The following ARID5B variants were observed in gnomAD, a reference collection of about 807,000 sequenced individuals.
The protein encoded by ARID5B is AT-rich interactive domain-containing protein 5B.
A neutral mutation model predicts 97.2 loss-of-function variants in ARID5B; 13 were observed. That is an observed-to-expected ratio of 0.13 (90% CI 0.09 to 0.21). ARID5B has a LOEUF of 0.21. Ranked by LOEUF, ARID5B falls within the 10% of genes least tolerant of loss-of-function variation. The pLI is 1.00. For synonymous variants in ARID5B, 556 were observed against 570.3 expected, an observed-to-expected ratio of 0.97 and a Z score of 0.36; for missense variants, 1,210 against 1,465.3, an observed-to-expected ratio of 0.83 and a Z score of 2.84.
At chr10:61,925,484 A>G (rs1456394435) in intron 2 of ARID5B, among the ~76,000 whole-genome samples, 1 of 152,196 alleles carries the variant, frequency 6.6e-6, no homozygotes, top group Non-Finnish European at 1.5e-5. Flanking sequence ...CACCCTATTA[A>G]TTTGGCCAGA....
intron 8 of ARID5B, among the ~76,000 whole-genome samples, chr10:62,080,245 T>C (rs1840194523): frequency 6.6e-6 from 1 of 152,120 alleles, no homozygotes; most frequent in Non-Finnish European, 1.5e-5. Context: ...CTTGTCACAC[T>C]CGGCACACTA....
intron 3 of ARID5B, among the ~76,000 whole-genome samples, chr10:61,944,667 A>T (rs1179705887): frequency 6.6e-6 from 1 of 152,214 alleles, no homozygotes; most frequent in Non-Finnish European, 1.5e-5. Context: ...TTAAGCCAAG[A>T]AAATATGTCT....
At position 62,074,092 on chromosome 10, in the gene ARID5B, C is replaced by A. The variant is rs1431746700; in HGVS notation, c.1199+4295C>A. 2.6e-5 allele frequency among the ~76,000 whole-genome samples: 4 copies of A among 152,244 alleles called. No individual in the cohort carries two copies. In the East Asian group the frequency reaches 7.7e-4, roughly 29 times the overall value. On this transcript the variant is annotated intron_variant, in intron 8 of 9. Transcript: ENST00000279873. ...AAAGTCCATGCAGGGGGAAAAAAATCTTTACTCAGAATGCTAGATTACTGG... is the reference window on the plus strand; with the variant it reads ...AAAGTCCATGCAGGGGGAAAAAAATATTTACTCAGAATGCTAGATTACTGG...
chr10:62,039,544 T>C (rs1035354431), intron 4 of ARID5B, among the ~76,000 whole-genome samples: 3 of 152,194 alleles, frequency 2.0e-5, no homozygotes, highest in African/African-American at 7.2e-5. Flanking sequence ...TCTAGTTAGG[T>C]TTCTGTGTTG....
chr10:62,086,974 T>A (rs1840294050), intron 9 of ARID5B, among the ~76,000 whole-genome samples: 1 of 152,082 alleles, frequency 6.6e-6, no homozygotes. Context: ...TTGATTTCTG[T>A]GCAACAGCCA....
At chr10:61,969,325 A>T (rs927199041) in intron 3 of ARID5B, among the ~76,000 whole-genome samples, 2 of 152,168 alleles carry the variant, frequency 1.3e-5, no homozygotes, top group African/African-American at 4.8e-5. Context: ...ACAACCAAAA[A>T]TTCCCAGTTT....
At chr10:62,084,583 A>G in intron 8 of ARID5B, among the ~76,000 whole-genome samples, 1 of 152,268 alleles carries the variant, frequency 6.6e-6, no homozygotes. Flanking sequence ...TGAGTCTTAT[A>G]TTAATCCCAC....
chr10:61,990,297 G>A (rs1224857374), intron 3 of ARID5B, among the ~76,000 whole-genome samples: 1 of 152,204 alleles, frequency 6.6e-6, no homozygotes, highest in Non-Finnish European at 1.5e-5. Flanking sequence ...GAGCATGGTG[G>A]ACAAACTCCT....
rs533379655 is a variant in ARID5B at position 61,952,418 on chromosome 10, C to T, written c.502+12010C>T. Reference sequence around the variant, plus strand: ...CCTTATTGATCACCTTACTCTATACCTACCAATATAATGCAGTATCTTTTT... The same window carrying T: ...CCTTATTGATCACCTTACTCTATACTTACCAATATAATGCAGTATCTTTTT... On this transcript the variant is annotated intron_variant, in intron 3 of 9. Coordinates refer to ENST00000279873, the MANE Select transcript of ARID5B (RefSeq NM_032199.3). Among the ~76,000 whole-genome samples the T allele has an allele frequency of 6.6e-5, 10 of 152,324 alleles. No homozygotes were observed. In the South Asian group the frequency reaches 2.1e-3, roughly 32 times the overall value.
chr10:61,944,651 T>G (rs1220806086), intron 3 of ARID5B, among the ~76,000 whole-genome samples: 1 of 152,226 alleles, frequency 6.6e-6, no homozygotes, highest in Non-Finnish European at 1.5e-5. Context: ...TGCTTTGGAT[T>G]GTTGTTTAAG....
chr10:61,932,980 G>C (rs1844237627), intron 2 of ARID5B, among the ~76,000 whole-genome samples: 1 of 152,166 alleles, frequency 6.6e-6, no homozygotes, highest in East Asian at 1.9e-4. Flanking sequence ...CTATTCGGGA[G>C]GCTGAAGTGA....
chr10:62,029,991 A>T (rs1839474670), intron 4 of ARID5B, among the ~76,000 whole-genome samples: 1 of 152,198 alleles, frequency 6.6e-6, no homozygotes, highest in Non-Finnish European at 1.5e-5. Flanking sequence ...AGAGAAAGAG[A>T]TGATCGCCCT....
intron 3 of ARID5B, among the ~76,000 whole-genome samples, chr10:61,952,999 C>CT (rs146582904): frequency 0.024 from 3,633 of 151,202 alleles, 145 homozygotes; most frequent in African/African-American, 0.083. Context: ...TCCACCTTAC[C>CT]TTTTTTTTTA....
At chr10:61,922,472 AC>A (rs1391713007) in intron 2 of ARID5B, among the ~76,000 whole-genome samples, 1 of 151,786 alleles carries the variant, frequency 6.6e-6, no homozygotes, top group Non-Finnish European at 1.5e-5. Flanking sequence ...GCGTGGTGGC[AC>A]ATGCTTGTAG....
intron 3 of ARID5B, among the ~76,000 whole-genome samples, chr10:61,955,295 C>G (rs992618848): frequency 1.3e-5 from 2 of 152,108 alleles, no homozygotes; most frequent in Non-Finnish European, 2.9e-5. Flanking sequence ...AAAAAACAGG[C>G]ACAAGTGGAG....
intron 2 of ARID5B, among the ~76,000 whole-genome samples, chr10:61,917,163 TA>T (rs3051550): frequency 0.39 from 54,123 of 139,318 alleles, 10,129 homozygotes; most frequent in African/African-American, 0.43. Flanking sequence ...CTGTTTCTAG[TA>T]AAAAAAAAAA....
In ARID5B at chr10:62,091,398, C is replaced by T. The variant is rs879355720; in HGVS notation, c.1935C>T (p.Thr645=). The part of the protein sequence containing the change: ...SDDIHNALKQ[T]PKVLVVQSFD... ...ACATCCACAATGCGCTCAAGCAGAC[C>T]CCAAAGGTCCTTGTGGTCCAGTCGT... Residue 645 remains threonine (T), a synonymous_variant, in exon 10 of 10, where the codon ACC becomes ACT. Transcript: ENST00000279873. 1.9e-6 allele frequency: 3 copies of T among 1,613,784 alleles called. No individual in the cohort carries two copies. Among genetic ancestry groups the T allele is most frequent in the Non-Finnish European group, 2.5e-6 (3 of 1,179,772 alleles).
chr10:62,071,062 A>G (rs900048266), intron 8 of ARID5B, among the ~76,000 whole-genome samples: 42 of 109,452 alleles, frequency 3.8e-4, no homozygotes, highest in Non-Finnish European at 5.7e-4. Context: ...TTTGAGACGG[A>G]GTCTTCCTCT....
chr10:61,914,186 A>G (rs939953092), intron 2 of ARID5B, among the ~76,000 whole-genome samples: 3 of 152,228 alleles, frequency 2.0e-5, no homozygotes, highest in African/African-American at 7.2e-5. Flanking sequence ...ATGGGATGCT[A>G]TTTATGTTGG....
Sources: allele counts gnomAD v4.1 joint callset (sites outside exome capture counted in the v4.1 genomes callset), GRCh38; gene constraint gnomAD v4.1.1; transcripts MANE v1.5; gene names NCBI Gene and HGNC (gene_info 2026-07-23, HGNC 2026-07-21).